The following POF1B variants were observed in gnomAD, a reference collection of about 807,000 sequenced individuals.
POF1B encodes protein POF1B.
Under a neutral mutation model 55.3 loss-of-function variants are expected in POF1B, and 53 were observed. That is an observed-to-expected ratio of 0.96 (90% CI 0.77 to 1.20). POF1B has a LOEUF of 1.20. Ranked by LOEUF, POF1B falls within the 50% of genes most tolerant of loss-of-function variation. The pLI is 0.00. For synonymous variants in POF1B, 188 were observed against 148.3 expected (o/e 1.27, Z -1.95); for missense variants, 478 against 420.5 (o/e 1.14, Z -1.20).
intron 3 of POF1B, 93 bp from the exon 4 acceptor site, chrX:85,359,723 T>G: frequency 3.7e-6 from 2 of 545,746 alleles, no homozygotes; most frequent in Non-Finnish European, 5.9e-6. Context: ...CAGGGTTAAA[T>G]TTTTAGTTAT....
In POF1B at chrX:85,332,186, A is replaced by C. The variant is rs771073450; in HGVS notation, c.724-1107T>G. Among the ~76,000 whole-genome samples, 6 of 111,862 alleles carry C rather than the reference A, an allele frequency of 5.4e-5. No individual in the cohort carries two copies. In the South Asian group the frequency reaches 2.2e-3, roughly 41 times the overall value. ...TCAGCCTGATTTGTTAGTATATCTTAAAGGTAGATAAACCTACTCAATTCA... is the reference window on the plus strand; with the variant it reads ...TCAGCCTGATTTGTTAGTATATCTTCAAGGTAGATAAACCTACTCAATTCA... On this transcript the variant is annotated intron_variant, in intron 6 of 16. Coordinates refer to ENST00000262753, the MANE Select transcript of POF1B (RefSeq NM_024921.4).
chrX:85,319,593 A>G (rs1236100553), intron 7 of POF1B, among the ~76,000 whole-genome samples: 2 of 111,316 alleles, frequency 1.8e-5, no homozygotes, highest in Admixed American at 1.9e-4. Context: ...CTTACATTTC[A>G]TCAAAAAACC....
At chrX:85,355,149 T>C (rs1933466277) in intron 4 of POF1B, among the ~76,000 whole-genome samples, 1 of 111,098 alleles carries the variant, frequency 9.0e-6, no homozygotes, top group African/African-American at 3.3e-5. Context: ...TCAGAAATAA[T>C]ACCACACATC....
chrX:85,295,237 G>T (rs1260533375), intron 15 of POF1B, among the ~76,000 whole-genome samples: 3 of 110,701 alleles, frequency 2.7e-5, no homozygotes, highest in Admixed American at 9.6e-5. Flanking sequence ...TCTAATTTTA[G>T]TTATTTATTT....
At chrX:85,290,972 C>A (rs901064520) in intron 15 of POF1B, among the ~76,000 whole-genome samples, 2 of 111,925 alleles carry the variant, frequency 1.8e-5, no homozygotes, top group African/African-American at 6.5e-5. Context: ...GCTTTTGTTG[C>A]CGTTGCTTTT....
At chrX:85,287,539 A>AC (rs1194246726) in intron 15 of POF1B, among the ~76,000 whole-genome samples, 2 of 111,713 alleles carry the variant, frequency 1.8e-5, no homozygotes, top group African/African-American at 6.5e-5. Flanking sequence ...AAACTCACTC[A>AC]AGAAGCAATA....
intron 4 of POF1B, among the ~76,000 whole-genome samples, chrX:85,356,958 A>G (rs1216859107): frequency 9.0e-6 from 1 of 111,659 alleles, no homozygotes; most frequent in African/African-American, 3.3e-5. Context: ...TTGGCTCATT[A>G]GAGTTTGAAG....
In POF1B at chrX:85,343,300, T is replaced by C. The variant is rs920086032; in HGVS notation, c.723+2560A>G. Among the ~76,000 whole-genome samples, 5 of 111,043 alleles carry C rather than the reference T, an allele frequency of 4.5e-5. No individual in the cohort carries two copies. The East Asian group carries it at 1.4e-3, about 32-fold the overall frequency. On this transcript the variant is annotated intron_variant, in intron 6 of 16. Coordinates refer to ENST00000262753, the MANE Select transcript of POF1B (RefSeq NM_024921.4). The stretch of plus-strand genomic sequence containing the variant: ...TAGAAATCTCAAACTACAGTATGAA[T>C]AATAAAAAAGTGATACATTAGTTAC...
intron 15 of POF1B, among the ~76,000 whole-genome samples, chrX:85,299,531 G>A (rs1282048512): frequency 5.2e-4 from 48 of 92,603 alleles, no homozygotes; most frequent in African/African-American, 6.5e-4. Flanking sequence ...CTCGTGATCC[G>A]CCCGCCTCGG....
At chrX:85,315,607 G>A in intron 8 of POF1B, 100 bp downstream of exon 8, 1 of 729,339 alleles carries the variant, frequency 1.4e-6, no homozygotes, top group Non-Finnish European at 1.9e-6. Context: ...TGCATTTTCA[G>A]TCTAGTAAGG....
chrX:85,291,610 T>C (rs967684331), intron 15 of POF1B, among the ~76,000 whole-genome samples: 1 of 111,871 alleles, frequency 8.9e-6, no homozygotes, highest in Non-Finnish European at 1.9e-5. Flanking sequence ...CTGATTTTTT[T>C]TGAGCAGTGT....
At chrX:85,322,136 G>T (rs1414309036) in intron 7 of POF1B, among the ~76,000 whole-genome samples, 2 of 111,355 alleles carry the variant, frequency 1.8e-5, no homozygotes, top group African/African-American at 3.3e-5. Flanking sequence ...GCATCGCCAA[G>T]TCAATCCTAA....
At chrX:85,283,470 A>G (rs1931956164) in intron 15 of POF1B, among the ~76,000 whole-genome samples, 1 of 111,123 alleles carries the variant, frequency 9.0e-6, no homozygotes, top group Non-Finnish European at 1.9e-5. Context: ...GCACTGCATT[A>G]CAAAAAGACC....
intron 15 of POF1B, among the ~76,000 whole-genome samples, chrX:85,300,143 C>G (rs1182215864): frequency 1.8e-5 from 2 of 111,981 alleles, no homozygotes; most frequent in African/African-American, 3.2e-5. Flanking sequence ...CCATAGTGGG[C>G]TTTGAAAATT....
chrX:85,336,139 A>G (rs937430742), intron 6 of POF1B, among the ~76,000 whole-genome samples: 1 of 111,097 alleles, frequency 9.0e-6, no homozygotes, highest in Non-Finnish European at 1.9e-5. Context: ...TATTTCACTT[A>G]CTATAATGTC....
intron 15 of POF1B, among the ~76,000 whole-genome samples, chrX:85,301,984 C>T (rs998186720): frequency 1.3e-4 from 15 of 111,208 alleles, no homozygotes; most frequent in Non-Finnish European, 2.6e-4. Flanking sequence ...AACCAGAAGA[C>T]AGTTTATATT....
At chrX:85,358,503 G>T (rs1249962908) in intron 4 of POF1B, among the ~76,000 whole-genome samples, 1 of 111,239 alleles carries the variant, frequency 9.0e-6, no homozygotes, top group Non-Finnish European at 1.9e-5. Context: ...GTACTAATTG[G>T]ATTATGTCCA....
In POF1B at chrX:85,277,700, T is replaced by A. The variant is rs188411180; in HGVS notation, c.*1721A>T. On this transcript the variant is annotated 3_prime_UTR_variant, in exon 17 of 17. Coordinates refer to ENST00000262753, the MANE Select transcript of POF1B (RefSeq NM_024921.4). The stretch of plus-strand genomic sequence containing the variant: ...AATGTTTGTCTGTTTCTGGCTTATG[T>A]CACTTAATATAGTGACCTCTAGTTC... 9.0e-6 allele frequency: 1 copy of A among 110,696 alleles called. No homozygotes were observed. Among genetic ancestry groups the A allele is most frequent in the Admixed American group, 9.7e-5 (1 of 10,305 alleles). The allele number at this position is 110,696 out of a possible 1,213,427, so 9.1% of individuals were successfully genotyped here. A position where few individuals can be genotyped will look rare whatever the true frequency, so the allele number is the denominator to read the frequency against.
At position 85,351,353 on chromosome X, in the gene POF1B, A is replaced by G; in HGVS notation, c.537T>C (p.Asp179=). Residue 179 remains aspartate, a synonymous_variant, in exon 5 of 17, where the codon GAT becomes GAC. Coordinates refer to ENST00000262753, the MANE Select transcript of POF1B (RefSeq NM_024921.4). ...TTTAAAACAAAATATTACTTACCTG[A>G]TCAGTATTTAGCTTCTCCACTTTTC... ...TIRKVEKLNT[D]QGCHPQAQCH... is the part of the protein sequence containing the mutation. The G allele has an allele frequency of 8.7e-7, 1 of 1,145,181 alleles. No homozygotes were observed. Among genetic ancestry groups the G allele is most frequent in the Non-Finnish European group, 1.2e-6 (1 of 844,687 alleles). The allele number at this position is 1,145,181 out of a possible 1,213,427, so 94.4% of individuals were successfully genotyped here. A position where few individuals can be genotyped will look rare whatever the true frequency, so the allele number is the denominator to read the frequency against.
Sources: allele counts gnomAD v4.1 joint callset (sites outside exome capture counted in the v4.1 genomes callset), GRCh38; gene constraint gnomAD v4.1.1; transcripts MANE v1.5; gene names NCBI Gene and HGNC (gene_info 2026-07-23, HGNC 2026-07-21).